The following OSTM1 variants were observed in gnomAD, a reference collection of about 807,000 sequenced individuals.
The protein encoded by OSTM1 is osteoclastogenesis associated transmembrane protein 1, also known as osteopetrosis-associated transmembrane protein 1.
In OSTM1, 26 loss-of-function variants were observed where a neutral mutation model predicts 35.4. The ratio of observed to expected loss-of-function variants is 0.73; its 90% CI spans 0.54 to 1.02. The LOEUF (loss-of-function observed/expected upper bound fraction) is 1.02, where lower values mean the gene tolerates loss of function less well. OSTM1 is among the 50% of genes least tolerant of loss of function. OSTM1 has a pLI of 0.00. For missense variants in OSTM1, 366 were observed against 409.6 expected (o/e 0.89, Z 0.92); for synonymous variants, 181 against 165.0 (o/e 1.10, Z -0.75).
intron 2 of OSTM1, among the ~76,000 whole-genome samples, chr6:108,059,324 G>A (rs772719187): frequency 6.6e-6 from 1 of 152,164 alleles, no homozygotes; most frequent in African/African-American, 2.4e-5. Context: ...GTTATTTGTA[G>A]TATGAGTAGA....
At chr6:108,072,478 C>T (rs1393452319) in intron 1 of OSTM1, among the ~76,000 whole-genome samples, 9 of 151,588 alleles carry the variant, frequency 5.9e-5, no homozygotes, top group Admixed American at 5.9e-4. Flanking sequence ...ACTAAAAATA[C>T]AATAATTAGT....
chr6:108,050,929 A>T (rs1772064388), intron 4 of OSTM1, 102 bp downstream of exon 4: 4 of 995,596 alleles, frequency 4.0e-6, no homozygotes, highest in Non-Finnish European at 6.4e-6. Context: ...GGTTGAGGAC[A>T]GAATATGCAG....
At chr6:108,048,257 T>C (rs190465255) in intron 5 of OSTM1, among the ~76,000 whole-genome samples, 34 of 152,354 alleles carry the variant, frequency 2.2e-4, no homozygotes, top group Admixed American at 8.5e-4. Context: ...ACAAATAGTA[T>C]TTGAGAGAAA....
chr6:108,074,248 AC>A lies in OSTM1; in HGVS notation c.402+1del. On this transcript the variant is annotated splice_donor_variant, in intron 1 of 5. Coordinates refer to ENST00000193322, the MANE Select transcript of OSTM1 (RefSeq NM_014028.4). LOFTEE classifies it high-confidence loss of function. ...CAGTCCCGGACGTGGTCCTGTACCC[AC>A]CCCCGCGGCTCGGCTGATGTTGTCC... 2 of 1,610,892 alleles carry A rather than the reference AC, an allele frequency of 1.2e-6. No homozygotes were observed.
At chr6:108,073,991 T>TC (rs1772535487) in intron 1 of OSTM1, among the ~76,000 whole-genome samples, 1 of 151,276 alleles carries the variant, frequency 6.6e-6, no homozygotes, top group Non-Finnish European at 1.5e-5. Context: ...AGCAAGAGGG[T>TC]TGGGGAATCA....
chr6:108,074,682 C>T lies in OSTM1; in HGVS notation c.-31G>A, dbSNP rs772078352. 14 of 1,506,140 alleles carry T rather than the reference C, an allele frequency of 9.3e-6. No individual in the cohort carries two copies. The African/African-American group carries it at 1.6e-4, about 17-fold the overall frequency. The allele number at this position is 1,506,140 out of a possible 1,614,324, so 93.3% of individuals were successfully genotyped here. A position where few individuals can be genotyped will look rare whatever the true frequency, so the allele number is the denominator to read the frequency against. On this transcript the variant is annotated 5_prime_UTR_variant, in exon 1 of 6. Transcript: ENST00000193322. ...GGCTCACACACCCCAGGGAGCCCAC[C>T]GCCGCCTCTCCGCCCCCAGCCGGCA...
intron 4 of OSTM1, chr6:108,049,620 C>A: frequency 7.8e-7 from 1 of 1,287,258 alleles, no homozygotes; most frequent in Non-Finnish European, 1.0e-6. Context: ...AATTTATATC[C>A]ATACAGAAAT....
Position 108,074,575 on chromosome 6 carries a change from G to A in OSTM1, c.77C>T (p.Ser26Leu). The change falls in exon 1 of 6, where the codon TCG (serine) becomes TTG (leucine). Residue 26 changes from serine (S) to leucine (L), a missense_variant. By Grantham distance (145) the Ser-to-Leu change is moderately radical. Transcript: ENST00000193322. The part of the protein sequence containing the change: ...PWLPLGLLLW[S>L]GLALGALPFG... ...GGGGAGCGCGCCCAGGGCCAGCCCC[G>A]ACCACAGCAGCAGCCCCAGCGGCAG... 6.4e-7 allele frequency: 1 copy of A among 1,565,132 alleles called. No homozygotes were observed. Among genetic ancestry groups the A allele is most frequent in the Non-Finnish European group, 8.6e-7 (1 of 1,159,126 alleles).
chr6:108,064,331 CT>C, intron 1 of OSTM1, 32 bp from the exon 2 acceptor site: 2 of 1,183,354 alleles, frequency 1.7e-6, no homozygotes, highest in Non-Finnish European at 2.5e-6. Flanking sequence ...AAAATACAAT[CT>C]GAGTATTTTC....
intron 2 of OSTM1, among the ~76,000 whole-genome samples, chr6:108,055,335 A>C (rs1264966569): frequency 6.6e-6 from 1 of 151,724 alleles, no homozygotes; most frequent in Non-Finnish European, 1.5e-5. Context: ...TTTTTTAAGA[A>C]ACGGGGTCTT....
At chr6:108,065,140 T>C (rs1772354429) in intron 1 of OSTM1, among the ~76,000 whole-genome samples, 2 of 152,020 alleles carry the variant, frequency 1.3e-5, no homozygotes, top group Admixed American at 1.3e-4. Flanking sequence ...ATTATAGGCA[T>C]GAGCCACTGC....
At chr6:108,053,023 T>A (rs1482247160) in intron 3 of OSTM1, among the ~76,000 whole-genome samples, 1 of 152,224 alleles carries the variant, frequency 6.6e-6, no homozygotes, top group African/African-American at 2.4e-5. Flanking sequence ...AGCTTCCCTT[T>A]ACCCTTCCCT....
chr6:108,063,629 C>T (rs1020491675), intron 2 of OSTM1, among the ~76,000 whole-genome samples: 1 of 152,122 alleles, frequency 6.6e-6, no homozygotes, highest in African/African-American at 2.4e-5. Flanking sequence ...TTTTATTACA[C>T]AATTACACAC....
rs144285653 is a variant in OSTM1 at position 108,058,999 on chromosome 6, C to G, written c.518-4412G>C. The stretch of plus-strand genomic sequence containing the variant: ...CCTGTATCACTGAAGATATAGGTTG[C>G]TCATAAAGAAAGAGTTTTCAGTGTG... On this transcript the variant is annotated intron_variant, in intron 2 of 5. Coordinates refer to ENST00000193322, the MANE Select transcript of OSTM1 (RefSeq NM_014028.4). Among the ~76,000 whole-genome samples, 201 of 152,226 alleles carry G rather than the reference C, an allele frequency of 1.3e-3. 1 individual carries two copies. Among genetic ancestry groups the G allele is most frequent in the African/African-American group, 4.6e-3 (192 of 41,534 alleles).
intron 1 of OSTM1, among the ~76,000 whole-genome samples, chr6:108,069,608 T>G (rs190730421): frequency 3.3e-5 from 5 of 152,274 alleles, no homozygotes; most frequent in African/African-American, 1.2e-4. Flanking sequence ...GGCAAAAGCA[T>G]CCTCAGGACC....
At chr6:108,069,405 A>G (rs1772442818) in intron 1 of OSTM1, among the ~76,000 whole-genome samples, 1 of 152,226 alleles carries the variant, frequency 6.6e-6, no homozygotes, top group Admixed American at 6.5e-5. Context: ...AATAATCTAC[A>G]GTAAAAGTAT....
At chr6:108,045,647 T>A (rs950131452) in intron 5 of OSTM1, among the ~76,000 whole-genome samples, 13 of 152,168 alleles carry the variant, frequency 8.5e-5, no homozygotes, top group African/African-American at 2.7e-4. Flanking sequence ...CACATATGGC[T>A]GCTAACAAAA....
Position 108,042,881 on chromosome 6 carries a change from A to T in OSTM1, c.*1904T>A, listed in dbSNP as rs572519504. 6 of 152,366 alleles carry T rather than the reference A, an allele frequency of 3.9e-5. No homozygotes were observed. The East Asian group carries it at 1.2e-3, about 29-fold the overall frequency. 9.4% of individuals were successfully genotyped at this position (152,366 alleles called of 1,614,324 possible). On this transcript the variant is annotated 3_prime_UTR_variant, in exon 6 of 6. Coordinates refer to ENST00000193322, the MANE Select transcript of OSTM1 (RefSeq NM_014028.4). ...AAAACACTTAAAGATATTCTTGTAA[A>T]TACATATAAGCTGTGTGTCAACATT...
intron 2 of OSTM1, among the ~76,000 whole-genome samples, chr6:108,059,676 T>C (rs958966140): frequency 1.3e-5 from 2 of 152,234 alleles, no homozygotes; most frequent in African/African-American, 2.4e-5. Context: ...ACAAAAATTC[T>C]AATAGCCCCT....
Sources: gnomAD v4.1 joint callset for allele counts (sites outside exome capture counted in the v4.1 genomes callset) on GRCh38, gnomAD v4.1.1 for gene constraint, MANE v1.5 for transcripts, NCBI Gene and HGNC (gene_info 2026-07-23, HGNC 2026-07-21) for gene names.